Variants in MAP7D2 observed in about 807,000 individuals in gnomAD.
MAP7D2 encodes the protein MAP7 domain-containing protein 2.
A neutral mutation model predicts 63.5 loss-of-function variants in MAP7D2; 33 were observed. That is an observed-to-expected ratio of 0.52 (90% CI 0.39 to 0.70). MAP7D2 has a LOEUF of 0.70. MAP7D2 is among the 30% of genes least tolerant of loss of function. MAP7D2 has a pLI of 0.00. For missense variants in MAP7D2, 626 were observed against 604.0 expected, an observed-to-expected ratio of 1.04 and a Z score of -0.38; for synonymous variants, 224 against 223.7, an observed-to-expected ratio of 1.00 and a Z score of -0.01.
At chrX:20,050,977 A>G (rs1421559137) in intron 5 of MAP7D2, 31 bp from the exon 6 acceptor site, 2 of 1,102,403 alleles carry the variant, frequency 1.8e-6, no homozygotes, top group Non-Finnish European at 2.4e-6. Flanking sequence ...AAAATTTTAA[A>G]AAGCAAAATT....
chrX:20,044,514 G>C lies in MAP7D2; in HGVS notation c.729C>G (p.Val243=), dbSNP rs765124256. 1.3e-5 allele frequency: 16 copies of C among 1,207,749 alleles called. No individual in the cohort carries two copies. In the East Asian group the frequency reaches 4.1e-4, roughly 31 times the overall value. ...GGCCAAGAGGAGCTAAACGAGGACA[G>C]ACATGGAATACTAGAAAGTTACAGT... ...SGQANDSVFH[V]CPRLAPLGPL... is the part of the protein sequence containing the mutation. The change falls in exon 7 of 17, where the codon GTC becomes GTG. Residue 243 remains valine, a synonymous_variant. Coordinates refer to ENST00000379643, the MANE Select transcript of MAP7D2 (RefSeq NM_001168465.2).
chrX:20,033,693 G>A (rs2074119143), intron 8 of MAP7D2, among the ~76,000 whole-genome samples: 1 of 111,788 alleles, frequency 8.9e-6, no homozygotes, highest in Non-Finnish European at 1.9e-5. Context: ...ACCTGCCTGG[G>A]ATTCTGGATG....
rs1223940144 is a variant in MAP7D2, at chrX:20,094,507, T to C, written c.130+22243A>G. On this transcript the variant is annotated intron_variant, in intron 1 of 16. Transcript: ENST00000379643. ...ACATACATATATATATATATATATATATATATATGTATATATATATATATA... is the reference window on the plus strand; with the variant it reads ...ACATACATATATATATATATATATACATATATATGTATATATATATATATA... 4.0e-3 allele frequency among the ~76,000 whole-genome samples: 51 copies of C among 12,832 alleles called. 1 individual carries two copies. Among genetic ancestry groups the C allele is most frequent in the Non-Finnish European group, 5.2e-3 (43 of 8,333 alleles). 11.1% of individuals were successfully genotyped at this position (12,832 alleles called of 115,157 possible).
At chrX:20,078,712 G>A (rs2065705409) in intron 1 of MAP7D2, among the ~76,000 whole-genome samples, 1 of 112,000 alleles carries the variant, frequency 8.9e-6, no homozygotes, top group Non-Finnish European at 1.9e-5. Context: ...ATAAATATTA[G>A]CTAACAGTAT....
intron 1 of MAP7D2, among the ~76,000 whole-genome samples, chrX:20,075,873 A>G (rs928988314): frequency 2.7e-5 from 3 of 111,525 alleles, no homozygotes; most frequent in South Asian, 3.7e-4. Flanking sequence ...TCCATTTTCT[A>G]TCTCTGACAA....
At chrX:20,104,705 T>A (rs2066523306) in intron 1 of MAP7D2, among the ~76,000 whole-genome samples, 1 of 112,337 alleles carries the variant, frequency 8.9e-6, no homozygotes, top group Admixed American at 9.4e-5. Flanking sequence ...TGCTAAATTT[T>A]ATTCATAACA....
chrX:20,071,474 C>G (rs768588686), intron 1 of MAP7D2, among the ~76,000 whole-genome samples: 1 of 112,550 alleles, frequency 8.9e-6, no homozygotes, highest in African/African-American at 3.2e-5. Context: ...GTGAAAATGA[C>G]TGCTGGACAT....
At chrX:20,062,218 T>A (rs2065241060) in intron 3 of MAP7D2, among the ~76,000 whole-genome samples, 1 of 112,042 alleles carries the variant, frequency 8.9e-6, no homozygotes, top group Non-Finnish European at 1.9e-5. Context: ...CTACCTCTGT[T>A]TTGGGCTAAG....
rs771279680 is a variant in MAP7D2 at position 20,013,640 on chromosome X, C to G, written c.1750-15G>C. The stretch of plus-strand genomic sequence containing the variant: ...TCATCTATTCTCTAAAAACAAAAAA[C>G]AAAAAACAAAATCAAGTAAGAGGAC... On this transcript the variant is annotated splice_polypyrimidine_tract_variant and intron_variant, in intron 12 of 16. Coordinates refer to ENST00000379643, the MANE Select transcript of MAP7D2 (RefSeq NM_001168465.2). The G allele has an allele frequency of 2.7e-6, 3 of 1,126,010 alleles. No homozygotes were observed. The highest frequency in any genetic ancestry group is 3.8e-5 in the South Asian group (2 of 52,040). 92.8% of individuals were successfully genotyped at this position (1,126,010 alleles called of 1,213,427 possible).
At position 20,077,789 on chromosome X, in the gene MAP7D2, G is replaced by A. The variant is rs773035143; in HGVS notation, c.131-12984C>T. On this transcript the variant is annotated intron_variant, in intron 1 of 16. Coordinates refer to ENST00000379643, the MANE Select transcript of MAP7D2 (RefSeq NM_001168465.2). ...TTACAACACTGCCAGTGTAAAACTA[G>A]GGCAAGGATTCTTTTCCAACAAAAA... Among the ~76,000 whole-genome samples the A allele has an allele frequency of 8.0e-5, 9 of 111,845 alleles. No homozygotes were observed. In the East Asian group the frequency reaches 2.5e-3, roughly 31 times the overall value.
chrX:20,006,774 T>C lies in MAP7D2; in HGVS notation c.*1651A>G, dbSNP rs1372127483. 1 of 111,726 alleles carries C rather than the reference T, an allele frequency of 9.0e-6. No homozygotes were observed. The highest frequency in any genetic ancestry group is 1.9e-5 in the Non-Finnish European group (1 of 53,157). 9.2% of individuals were successfully genotyped at this position (111,726 alleles called of 1,213,427 possible). ...ACAGGGAAAGGACACCCACACAGGA[T>C]TTTTTGGTTTTCTTCTACACAGGTT... On this transcript the variant is annotated 3_prime_UTR_variant, in exon 17 of 17. Transcript: ENST00000379643.
chrX:20,078,510 G>C (rs1359552097), intron 1 of MAP7D2, among the ~76,000 whole-genome samples: 5 of 112,311 alleles, frequency 4.5e-5, no homozygotes, highest in Admixed American at 9.4e-5. Context: ...GAAGCACGAA[G>C]GATGATGCTA....
chrX:20,056,079 T>C (rs1169772603), intron 4 of MAP7D2, among the ~76,000 whole-genome samples: 1 of 111,548 alleles, frequency 9.0e-6, no homozygotes, highest in Non-Finnish European at 1.9e-5. Context: ...TCCTGCATAA[T>C]AGAATGCTAA....
At chrX:20,088,468 G>GT (rs779366726) in intron 1 of MAP7D2, among the ~76,000 whole-genome samples, 424 of 41,054 alleles carry the variant, frequency 0.01, 122 homozygotes, top group East Asian at 0.04. Flanking sequence ...CTAATTTTCA[G>GT]TTTTTTTTTT....
chrX:20,098,837 T>A (rs1201049102), intron 1 of MAP7D2, among the ~76,000 whole-genome samples: 1 of 112,341 alleles, frequency 8.9e-6, no homozygotes, highest in Non-Finnish European at 1.9e-5. Context: ...ATTTTCCACA[T>A]CTCAAACACA....
rs754996462 is a variant in MAP7D2 at position 20,093,419 on chromosome X, G to T, written c.130+23331C>A. Reference sequence around the variant, plus strand: ...CGCCTGTAATCCCAGCACTTTGGGAGGCTGAGGCAGAAGGACTACCTGAGG... The same window carrying T: ...CGCCTGTAATCCCAGCACTTTGGGATGCTGAGGCAGAAGGACTACCTGAGG... On this transcript the variant is annotated intron_variant, in intron 1 of 16. Transcript: ENST00000379643. 6.2e-5 allele frequency among the ~76,000 whole-genome samples: 7 copies of T among 112,168 alleles called. No individual in the cohort carries two copies. The East Asian group carries it at 2.0e-3, about 31-fold the overall frequency.
chrX:20,016,172 C>T lies in MAP7D2; in HGVS notation c.1566G>A (p.Lys522=), dbSNP rs867049634. The T allele has an allele frequency of 8.4e-7, 1 of 1,196,472 alleles. No individual in the cohort carries two copies. Among genetic ancestry groups the T allele is most frequent in the African/African-American group, 1.8e-5 (1 of 56,831 alleles). Residue 522 remains lysine, a synonymous_variant, in exon 11 of 17, where the codon AAG becomes AAA. Transcript: ENST00000379643. ...EEKRKAGEEA[K]RKAEEELLLK... ...ACAACAGCTCCTCCTCAGCCTTCCGCTTGGCCTCCTCGCCTGCCTTTCTTT... is the reference window on the plus strand; with the variant it reads ...ACAACAGCTCCTCCTCAGCCTTCCGTTTGGCCTCCTCGCCTGCCTTTCTTT...
rs2073044859 is a variant in MAP7D2, at chrX:20,007,484, G to T, written c.*941C>A. 1 of 113,488 alleles carries T rather than the reference G, an allele frequency of 8.8e-6. No homozygotes were observed. 9.4% of individuals were successfully genotyped at this position (113,488 alleles called of 1,213,427 possible). Reference sequence around the variant, plus strand: ...AAGTGACATACTGGGTCCAATGTGGGCCCCCTATTGTTTCAGAATGCTATG... The same window carrying T: ...AAGTGACATACTGGGTCCAATGTGGTCCCCCTATTGTTTCAGAATGCTATG... On this transcript the variant is annotated 3_prime_UTR_variant, in exon 17 of 17. Transcript: ENST00000379643.
At chrX:20,042,461 C>A in intron 8 of MAP7D2, 41 bp downstream of exon 8, 3 of 1,203,403 alleles carry the variant, frequency 2.5e-6, no homozygotes, top group South Asian at 1.8e-5. Flanking sequence ...CAAACTGACT[C>A]ATGACAGTCA....
Sources: gnomAD v4.1 joint callset for allele counts (sites outside exome capture counted in the v4.1 genomes callset) on GRCh38, gnomAD v4.1.1 for gene constraint, MANE v1.5 for transcripts, NCBI Gene and HGNC (gene_info 2026-07-23, HGNC 2026-07-21) for gene names.